The following SUGP2 variants were observed in gnomAD, a reference collection of about 807,000 sequenced individuals.
The protein encoded by SUGP2 is SURP and G-patch domain-containing protein 2.
A neutral mutation model predicts 90.5 loss-of-function variants in SUGP2; 24 were observed. The observed-to-expected ratio is 0.27, with a 90% CI of 0.19 to 0.37. The LOEUF (loss-of-function observed/expected upper bound fraction) is 0.37. SUGP2 is among the 10% of genes least tolerant of loss of function. The pLI, the probability that SUGP2 is intolerant of heterozygous loss-of-function variation, is 1.00. For synonymous variants in SUGP2, 473 were observed against 513.4 expected, an observed-to-expected ratio of 0.92 and a Z score of 1.06; for missense variants, 1,233 against 1,363.3, an observed-to-expected ratio of 0.90 and a Z score of 1.51.
In SUGP2 at chr19:18,995,265, C is replaced by A; in HGVS notation, c.3007G>T (p.Asp1003Tyr). The A allele has an allele frequency of 1.2e-6, 2 of 1,609,278 alleles. No homozygotes were observed. Among genetic ancestry groups the A allele is most frequent in the Non-Finnish European group, 1.7e-6 (2 of 1,178,180 alleles). Residue 1003 changes from aspartate to tyrosine, a missense_variant, in exon 9 of 11, where the codon GAC (aspartate) becomes TAC (tyrosine). This residue lies in a region of SUGP2 where 105 missense variants were observed against 155.2 expected (regional missense o/e 0.68). Transcript: ENST00000452918. ...TCGGTCAGCTTCTGCTGGGCGAAGT[C>A]CAAGTCCTTGGGTTTCTGAGGAGAG... ...MSKKKKPKDLDFAQQKLTDKN... is the reference protein window; with the variant it reads ...MSKKKKPKDLYFAQQKLTDKN...
rs1375294377 is a variant in SUGP2 at position 19,033,462 on chromosome 19, C to A, written c.-37G>T. 1 of 1,400,710 alleles carries A rather than the reference C, an allele frequency of 7.1e-7. No homozygotes were observed. Among genetic ancestry groups the A allele is most frequent in the African/African-American group, 1.5e-5 (1 of 65,430 alleles). The allele number at this position is 1,400,710 out of a possible 1,614,324, so 86.8% of individuals were successfully genotyped here. A position where few individuals can be genotyped will look rare whatever the true frequency, so the allele number is the denominator to read the frequency against. On this transcript the variant is annotated 5_prime_UTR_variant, in exon 1 of 11. Transcript: ENST00000452918. ...CCCGAGACCACCGCGCGCGGAGCCA[C>A]CCCCGCCGCCGCCTCAGGCTCCTCA... is the stretch of plus-strand genomic sequence containing the variant.
intron 8 of SUGP2, among the ~76,000 whole-genome samples, chr19:18,997,836 T>C (rs1048284142): frequency 1.3e-5 from 2 of 148,946 alleles, no homozygotes; most frequent in Admixed American, 1.3e-4. Flanking sequence ...CCCCGAATTA[T>C]AGCACTTTGA....
rs949447276 is a variant in SUGP2 at position 19,004,184 on chromosome 19, G to A, written c.2913C>T (p.Leu971=). The A allele has an allele frequency of 6.4e-7, 1 of 1,561,878 alleles. No homozygotes were observed. ...GGCACTCACCTTTTGGCTCCTGGATGAGACACACTCTCTTGGGAGCTGGAA... is the reference window on the plus strand; with the variant it reads ...GGCACTCACCTTTTGGCTCCTGGATAAGACACACTCTCTTGGGAGCTGGAA... The part of the protein sequence containing the change: ...GMIPAPKRVC[L]IQEPKVHEPV... Residue 971 remains leucine (L), a synonymous_variant, in exon 7 of 11, where the codon CTC becomes CTT. Transcript: ENST00000452918.
At chr19:18,995,879 T>C (rs531175884) in intron 8 of SUGP2, among the ~76,000 whole-genome samples, 14 of 152,296 alleles carry the variant, frequency 9.2e-5, no homozygotes, top group African/African-American at 2.9e-4. Flanking sequence ...AGTACAGCTG[T>C]TGATTGCTCC....
intron 3 of SUGP2, among the ~76,000 whole-genome samples, chr19:19,020,027 G>C: frequency 7.1e-6 from 1 of 141,424 alleles, no homozygotes; most frequent in Non-Finnish European, 1.5e-5. Context: ...AGCCAGGCAT[G>C]GTGGGATAGA....
At chr19:19,020,036 G>C (rs1402550262) in intron 3 of SUGP2, among the ~76,000 whole-genome samples, 1 of 132,868 alleles carries the variant, frequency 7.5e-6, no homozygotes, top group Non-Finnish European at 1.6e-5. Flanking sequence ...TGGTGGGATA[G>C]AGCGAGACTC....
chr19:19,021,442 T>G (rs965350891), intron 3 of SUGP2, among the ~76,000 whole-genome samples: 1 of 152,106 alleles, frequency 6.6e-6, no homozygotes, highest in Admixed American at 6.6e-5. Flanking sequence ...GCTACTAGTT[T>G]TACATGATTT....
intron 6 of SUGP2, among the ~76,000 whole-genome samples, chr19:19,005,786 T>C (rs543941223): frequency 4.6e-4 from 69 of 151,120 alleles, no homozygotes; most frequent in Middle Eastern, 3.4e-3. Flanking sequence ...GAAATCTTCC[T>C]ACATCAGCCA....
At chr19:19,019,570 G>A (rs944550301) in intron 3 of SUGP2, among the ~76,000 whole-genome samples, 13 of 151,730 alleles carry the variant, frequency 8.6e-5, no homozygotes, top group Non-Finnish European at 1.6e-4. Context: ...TAACATTAAA[G>A]TGGAAAATAT....
Position 19,004,651 on chromosome 19 carries a change from G to A in SUGP2, c.2451-5C>T, listed in dbSNP as rs1214274435. The A allele has an allele frequency of 1.9e-6, 3 of 1,587,272 alleles. No homozygotes were observed. In the Admixed American group the frequency reaches 5.1e-5, roughly 27 times the overall value. The stretch of plus-strand genomic sequence containing the variant: ...CTATTTTGGTCATGTAGAAACCTGG[G>A]GCACAGAGGAAATACATTGGGTAAC... On this transcript the variant is annotated splice_polypyrimidine_tract_variant and splice_region_variant and intron_variant, in intron 6 of 10. Transcript: ENST00000452918.
At chr19:19,033,825 G>A, upstream of SUGP2, 1 of 269,864 alleles carries the variant, frequency 3.7e-6, no homozygotes, top group Non-Finnish European at 7.0e-6. Context: ...CCAAGCCTAG[G>A]GGCGCCACAG....
chr19:19,029,696 C>T (rs143584633), intron 2 of SUGP2, among the ~76,000 whole-genome samples: 3,464 of 150,748 alleles, frequency 0.023, 131 homozygotes, highest in African/African-American at 0.08. Flanking sequence ...TCCCAGCACT[C>T]TGGGAGGCCG....
In SUGP2 at chr19:19,008,375, C is replaced by G. The variant is rs2058170278; in HGVS notation, c.2392G>C (p.Val798Leu). Residue 798 changes from valine to leucine, a missense_variant, in exon 6 of 11, where the codon GTG becomes CTG. Coordinates refer to ENST00000452918, the MANE Select transcript of SUGP2 (RefSeq NM_001017392.5). The part of the protein sequence containing the change: ...AEKLARFVAQ[V>L]GPEIEQFSIE... ...CTGAATTGTTCGATCTCTGGTCCCA[C>G]CTGAGCAACAAATCTAGCCAGTTTC... 6.2e-7 allele frequency: 1 copy of G among 1,614,098 alleles called. No homozygotes were observed. The highest frequency in any genetic ancestry group is 8.5e-7 in the Non-Finnish European group (1 of 1,180,050).
chr19:19,026,154 A>T lies in SUGP2; in HGVS notation c.194T>A (p.Leu65His). The part of the protein sequence containing the change: ...DDVHSDGRYS[L>H]SGSVAHSRDA... ...TCTAGAGTGAGCTACAGATCCACTG[A>T]GGGAGTATCTGCCATCGCTGTGGAC... is the stretch of plus-strand genomic sequence containing the variant. Residue 65 changes from leucine (L) to histidine (H), a missense_variant, in exon 3 of 11, where the codon CTC (leucine) becomes CAC (histidine). By Grantham distance (99) the Leu-to-His change is moderately conservative (BLOSUM62 -3). Coordinates refer to ENST00000452918, the MANE Select transcript of SUGP2 (RefSeq NM_001017392.5). The T allele has an allele frequency of 6.2e-7, 1 of 1,613,894 alleles. No homozygotes were observed. The highest frequency in any genetic ancestry group is 8.5e-7 in the Non-Finnish European group (1 of 1,179,956).
At chr19:19,002,252 A>T in intron 7 of SUGP2, among the ~76,000 whole-genome samples, 1 of 151,946 alleles carries the variant, frequency 6.6e-6, no homozygotes, top group Non-Finnish European at 1.5e-5. Context: ...TGGTGGCGGG[A>T]GCCTGCAATC....
chr19:19,009,924 A>C lies in SUGP2; in HGVS notation c.2269T>G (p.Ser757Ala). The change falls in exon 5 of 11, where the codon TCC becomes GCC. Residue 757 changes from serine to alanine, a missense_variant. This residue lies in a region of SUGP2 where 540 missense variants were observed against 542.6 expected (regional missense o/e 1.00). Coordinates refer to ENST00000452918, the MANE Select transcript of SUGP2 (RefSeq NM_001017392.5). ...QDPSLEASGPSPKPAGVDISE... is the reference protein window; with the variant it reads ...QDPSLEASGPAPKPAGVDISE... ...ATGTCCACTCCTGCTGGCTTGGGGG[A>C]TGGGCCTGAGGCTTCTAAGCTGGGG... 1.9e-6 allele frequency: 3 copies of C among 1,614,112 alleles called. No individual in the cohort carries two copies. The highest frequency in any genetic ancestry group is 2.5e-6 in the Non-Finnish European group (3 of 1,180,006).
intron 2 of SUGP2, among the ~76,000 whole-genome samples, chr19:19,030,001 A>G (rs1341822675): frequency 6.6e-6 from 1 of 151,616 alleles, no homozygotes; most frequent in Admixed American, 6.6e-5. Context: ...ACAGGGATGG[A>G]GCCAGGAAAT....
intron 7 of SUGP2, 129 bp downstream of exon 7, chr19:19,004,039 G>A (rs185599684): frequency 2.3e-5 from 16 of 706,640 alleles, no homozygotes; most frequent in South Asian, 1.4e-4. Flanking sequence ...CATGAGTGTC[G>A]GCTCACATTT....
chr19:18,994,048 G>A (rs1958101238), intron 10 of SUGP2: 1 of 219,936 alleles, frequency 4.5e-6, no homozygotes, highest in African/African-American at 2.3e-5. Flanking sequence ...AGAAGAGACA[G>A]GCGTGGCCTA....
Sources: allele counts gnomAD v4.1 joint callset (sites outside exome capture counted in the v4.1 genomes callset), GRCh38; gene constraint gnomAD v4.1.1; regional missense constraint gnomAD v4.1.1; transcripts MANE v1.5; gene names NCBI Gene and HGNC (gene_info 2026-07-23, HGNC 2026-07-21).